The following CEP131 variants were observed in gnomAD, a reference collection of about 807,000 sequenced individuals.
CEP131 encodes the protein centrosomal protein 131, also known as centrosomal protein of 131 kDa.
In CEP131, 99 loss-of-function variants were observed where a neutral mutation model predicts 136.8. That is an observed-to-expected ratio of 0.72 (90% CI 0.62 to 0.86). The LOEUF is 0.86. Ranked by LOEUF, CEP131 falls within the 40% of genes least tolerant of loss-of-function variation. CEP131 has a pLI of 0.00. For synonymous variants in CEP131, 646 were observed against 612.7 expected, an observed-to-expected ratio of 1.05 and a Z score of -0.80; for missense variants, 1,459 against 1,463.0, an observed-to-expected ratio of 1.00 and a Z score of 0.04.
At position 81,195,854 on chromosome 17, in the gene CEP131, G is replaced by A. The variant is rs368464153; in HGVS notation, c.1997C>T (p.Ala666Val). ...DQRCTERVAQ[A>V]QAQHELEIKK... ...CCTCACCAGCTCGTGCTGCGCCTGT[G>A]CCTGGGCCACACGCTCGGTGCATCT... The change falls in exon 16 of 26, where the codon GCA becomes GTA. Residue 666 changes from alanine to valine, a missense_variant. This residue lies in a region of CEP131 where 1,026 missense variants were observed against 964.2 expected (regional missense o/e 1.06). Coordinates refer to ENST00000450824, the MANE Select transcript of CEP131 (RefSeq NM_014984.4). 24 of 1,605,834 alleles carry A rather than the reference G, an allele frequency of 1.5e-5. No homozygotes were observed. Among genetic ancestry groups the A allele is most frequent in the Non-Finnish European group, 1.9e-5 (23 of 1,179,856 alleles).
intron 1 of CEP131, among the ~76,000 whole-genome samples, chr17:81,222,029 G>A (rs1371538297): frequency 1.3e-5 from 2 of 152,192 alleles, no homozygotes; most frequent in African/African-American, 2.4e-5. Context: ...ACTTCCGGCT[G>A]TGCGGAAGAA....
chr17:81,204,389 C>G (rs1168557225), intron 5 of CEP131, among the ~76,000 whole-genome samples: 1 of 152,174 alleles, frequency 6.6e-6, no homozygotes, highest in African/African-American at 2.4e-5. Flanking sequence ...GCAGCCAGGA[C>G]TCGAACCCTG....
chr17:81,221,415 C>T (rs1001628717), intron 1 of CEP131, among the ~76,000 whole-genome samples: 1 of 152,170 alleles, frequency 6.6e-6, no homozygotes, highest in African/African-American at 2.4e-5. Flanking sequence ...CGTGCATGTG[C>T]CCCTGCCAAA....
At chr17:81,221,055 G>A (rs2062375398) in intron 1 of CEP131, among the ~76,000 whole-genome samples, 1 of 150,776 alleles carries the variant, frequency 6.6e-6, no homozygotes, top group African/African-American at 2.4e-5. Context: ...AACCTGGTAG[G>A]CGGAGTTTAC....
At position 81,199,417 on chromosome 17, in the gene CEP131, C is replaced by T. The variant is rs765821768; in HGVS notation, c.1156G>A (p.Gly386Ser). Residue 386 changes from glycine to serine, a missense_variant, in exon 10 of 26, where the codon GGC (glycine) becomes AGC (serine). Transcript: ENST00000450824. ...PAQELSPTPG[G>S]TAHQALKANN... ...GCCTTGAGGGCCTGGTGGGCAGTGC[C>T]GCCTGGTGTGGGGGACAGCTCCTGA... 4 of 1,605,956 alleles carry T rather than the reference C, an allele frequency of 2.5e-6. No homozygotes were observed. The highest frequency in any genetic ancestry group is 1.3e-5 in the African/African-American group (1 of 74,880).
At position 81,200,386 on chromosome 17, in the gene CEP131, C is replaced by A. The variant is rs772087759; in HGVS notation, c.849G>T (p.Val283=). 39 of 1,569,876 alleles carry A rather than the reference C, an allele frequency of 2.5e-5. No homozygotes were observed. Among genetic ancestry groups the A allele is most frequent in the Non-Finnish European group, 3.2e-5 (37 of 1,158,200 alleles). The part of the protein sequence containing the change: ...VTIQRWYRHQ[V]QRRGAGAARL... ...GGGCAGCTCCTGCTCCGCGCCGCTGCACCTGGTGCCGGTACCAGCGCTGGA... is the reference window on the plus strand; with the variant it reads ...GGGCAGCTCCTGCTCCGCGCCGCTGAACCTGGTGCCGGTACCAGCGCTGGA... The change falls in exon 8 of 26, where the codon GTG becomes GTT. Residue 283 remains valine, a synonymous_variant. Coordinates refer to ENST00000450824, the MANE Select transcript of CEP131 (RefSeq NM_014984.4).
rs537315617 is a variant in CEP131 at position 81,202,526 on chromosome 17, G to A, written c.630-128C>T. ...AAGTGGTGCTGGCAGGCTGGCAGCC[G>A]GGGCAGAGGGGGACAGCGGCAGGTG... is the stretch of plus-strand genomic sequence containing the variant. On this transcript the variant is annotated intron_variant, in intron 6 of 25. Transcript: ENST00000450824. The A allele has an allele frequency of 5.3e-4, 570 of 1,082,520 alleles. 1 individual carries two copies. The highest frequency in any genetic ancestry group is 6.9e-4 in the Non-Finnish European group (531 of 767,760). The allele number at this position is 1,082,520 out of a possible 1,614,324, so 67.1% of individuals were successfully genotyped here.
intron 2 of CEP131, among the ~76,000 whole-genome samples, chr17:81,210,613 AG>A (rs2146679288): frequency 6.6e-6 from 1 of 152,204 alleles, no homozygotes; most frequent in East Asian, 1.9e-4. Flanking sequence ...TTCAGGGGAA[AG>A]GGCTCACAGT....
At chr17:81,209,292 G>A (rs913908801) in intron 2 of CEP131, among the ~76,000 whole-genome samples, 4 of 152,206 alleles carry the variant, frequency 2.6e-5, no homozygotes, top group East Asian at 1.9e-4. Flanking sequence ...GAGGGAGGGC[G>A]GGAAGGGAGC....
rs767374061 is a variant in CEP131 at position 81,197,748 on chromosome 17, CTCCATCTCG to C, written c.1602_1610del (p.Asp534_Met536del). On this transcript the variant is annotated inframe_deletion, in exon 13 of 26. Coordinates refer to ENST00000450824, the MANE Select transcript of CEP131 (RefSeq NM_014984.4). ...AGTCCAGCTGGTCCTGCCCAGACTT[CTCCATCTCG>C]TCCAAGAAGCTCATGATGCTTTGTA... 39 of 1,612,822 alleles carry C rather than the reference CTCCATCTCG, an allele frequency of 2.4e-5. No homozygotes were observed. Among genetic ancestry groups the C allele is most frequent in the Non-Finnish European group, 3.2e-5 (38 of 1,179,886 alleles).
chr17:81,203,148 C>T lies in CEP131; in HGVS notation c.629+346G>A, dbSNP rs2061930880. 6.6e-6 allele frequency among the ~76,000 whole-genome samples: 1 copy of T among 152,152 alleles called. No homozygotes were observed. The highest frequency in any genetic ancestry group is 1.5e-5 in the Non-Finnish European group (1 of 68,024). ...GACGCCTTCTGGGCTCTGCACAAGCCTTGGCTTCCTCCTGGGGGCCCCACC... is the reference window on the plus strand; with the variant it reads ...GACGCCTTCTGGGCTCTGCACAAGCTTTGGCTTCCTCCTGGGGGCCCCACC... On this transcript the variant is annotated intron_variant, in intron 6 of 25. Coordinates refer to ENST00000450824, the MANE Select transcript of CEP131 (RefSeq NM_014984.4). The surrounding 1 kb of genome is among the most constrained non-coding windows in gnomAD (Gnocchi z 4.6).
rs1489600082 is a variant in CEP131, at chr17:81,193,918, C to T, written c.2321+8G>A. 1.3e-6 allele frequency: 2 copies of T among 1,530,804 alleles called. No individual in the cohort carries two copies. The highest frequency in any genetic ancestry group is 1.8e-6 in the Non-Finnish European group (2 of 1,140,708). 94.8% of individuals were successfully genotyped at this position (1,530,804 alleles called of 1,614,324 possible). A position where few individuals can be genotyped will look rare whatever the true frequency, so the allele number is the denominator to read the frequency against. Reference sequence around the variant, plus strand: ...TCCTGGCCCCACCGGCCTGGGGCCACCACCCACCGCTGCCGAGCACGTTCG... The same window carrying T: ...TCCTGGCCCCACCGGCCTGGGGCCATCACCCACCGCTGCCGAGCACGTTCG... On this transcript the variant is annotated splice_region_variant and intron_variant, in intron 18 of 25. Transcript: ENST00000450824.
At chr17:81,199,604 C>A in intron 9 of CEP131, 55 bp from the exon 10 acceptor site, 1 of 1,589,268 alleles carries the variant, frequency 6.3e-7, no homozygotes. Flanking sequence ...CCCCAGGCTC[C>A]ACAGCCAAGC....
chr17:81,196,552 G>T, intron 15 of CEP131, 149 bp downstream of exon 15: 1 of 1,260,780 alleles, frequency 7.9e-7, no homozygotes, highest in Non-Finnish European at 1.1e-6. Context: ...GCTGGGAATG[G>T]CATGGGAAAG....
At chr17:81,205,682 C>T (rs538608526) in intron 5 of CEP131, among the ~76,000 whole-genome samples, 3 of 151,934 alleles carry the variant, frequency 2.0e-5, no homozygotes, top group South Asian at 2.1e-4. Flanking sequence ...GAGGATTGCC[C>T]GAGCCCAGGA....
At position 81,202,394 on chromosome 17, in the gene CEP131, T is replaced by C. The variant is rs2061912491; in HGVS notation, c.634A>G (p.Ile212Val). 2 of 1,612,860 alleles carry C rather than the reference T, an allele frequency of 1.2e-6. No homozygotes were observed. Among genetic ancestry groups the C allele is most frequent in the Middle Eastern group, 1.7e-4 (1 of 6,058 alleles). The change falls in exon 7 of 26, where the codon ATC becomes GTC. Residue 212 changes from isoleucine (I) to valine (V), a missense_variant. By Grantham distance (29) the Ile-to-Val change is conservative. This residue lies in a region of CEP131 where 246 missense variants were observed against 318.9 expected (regional missense o/e 0.77). Coordinates refer to ENST00000450824, the MANE Select transcript of CEP131 (RefSeq NM_014984.4). ...CCCTCACAGGTGGCTGCCTTGATGATGTTGCTGACAGGTAAGAAGAAAACA... is the reference window on the plus strand; with the variant it reads ...CCCTCACAGGTGGCTGCCTTGATGACGTTGCTGACAGGTAAGAAGAAAACA... ...SNQTAPSLNN[I>V]IKAATCEGSE...
At chr17:81,195,998 A>C (rs2061746581) in intron 15 of CEP131, 47 bp from the exon 16 acceptor site, 3 of 1,515,134 alleles carry the variant, frequency 2.0e-6, no homozygotes, top group Non-Finnish European at 1.8e-6. Flanking sequence ...GCCCCAGCCC[A>C]GCAGGACCCC....
chr17:81,206,640 T>G, intron 5 of CEP131, 104 bp downstream of exon 5: 4 of 1,444,076 alleles, frequency 2.8e-6, no homozygotes, highest in Non-Finnish European at 2.8e-6. Flanking sequence ...ATTCATTCAT[T>G]CCAAAGCACC....
At position 81,202,360 on chromosome 17, in the gene CEP131, C is replaced by T; in HGVS notation, c.668G>A (p.Ser223Asn). 6.2e-7 allele frequency: 1 copy of T among 1,613,638 alleles called. No individual in the cohort carries two copies. The highest frequency in any genetic ancestry group is 2.2e-5 in the East Asian group (1 of 44,860). The change falls in exon 7 of 26, where the codon AGC (serine) becomes AAC (asparagine). Residue 223 changes from serine to asparagine, a missense_variant. Coordinates refer to ENST00000450824, the MANE Select transcript of CEP131 (RefSeq NM_014984.4). ...IKAATCEGSESSGFGKLPKNV... is the reference protein window; with the variant it reads ...IKAATCEGSENSGFGKLPKNV... ...CTTCGGCAGCTTCCCAAAGCCGCTG[C>T]TCTCACTGCCCTCACAGGTGGCTGC...
Sources: allele counts gnomAD v4.1 joint callset (sites outside exome capture counted in the v4.1 genomes callset), GRCh38; gene constraint gnomAD v4.1.1; regional missense constraint gnomAD v4.1.1; non-coding constraint Gnocchi (gnomAD v3.1); transcripts MANE v1.5; gene names NCBI Gene and HGNC (gene_info 2026-07-23, HGNC 2026-07-21).